The following SRPK1 variants were observed in gnomAD, a reference collection of about 807,000 sequenced individuals.
SRPK1 encodes the protein SFRS protein kinase 1.
In SRPK1, 52 loss-of-function variants were observed where a neutral mutation model predicts 89.5. That is an observed-to-expected ratio of 0.58 (90% CI 0.46 to 0.73). SRPK1 has a LOEUF of 0.73. Among genes scored for constraint, SRPK1 ranks in the 30% least tolerant of loss-of-function variants. The pLI, the probability that SRPK1 is intolerant of heterozygous loss-of-function variation, is 0.00. For missense variants in SRPK1, 603 were observed against 780.6 expected (o/e 0.77, Z 2.71); for synonymous variants, 255 against 270.2 (o/e 0.94, Z 0.55).
At chr6:35,873,794 A>G (rs1770095699) in intron 7 of SRPK1, among the ~76,000 whole-genome samples, 1 of 148,268 alleles carries the variant, frequency 6.7e-6, no homozygotes, top group Non-Finnish European at 1.5e-5. Flanking sequence ...CCAGCCAATA[A>G]CTTACTTTTT....
chr6:35,907,151 C>A (rs1770865056), intron 2 of SRPK1, among the ~76,000 whole-genome samples: 1 of 151,740 alleles, frequency 6.6e-6, no homozygotes, highest in South Asian at 2.1e-4. Flanking sequence ...AGGTAGTTTG[C>A]CAAAAACAAA....
chr6:35,891,011 G>A lies in SRPK1; in HGVS notation c.77C>T (p.Ser26Phe), dbSNP rs948030315. ...AGCAGAGCCTCGGTGCTGAGTTTCA[G>A]ATCTAAGAAATGATACAAAAATGCC... ...KAKKDKAQRK[S>F]ETQHRGSAPH... Residue 26 changes from serine (S) to phenylalanine (F), a missense_variant and splice_region_variant, in exon 3 of 16, where the codon TCT becomes TTT. Transcript: ENST00000373825. The A allele has an allele frequency of 7.6e-5, 118 of 1,549,520 alleles. No homozygotes were observed. Among genetic ancestry groups the A allele is most frequent in the Non-Finnish European group, 9.9e-5 (114 of 1,146,334 alleles).
intron 2 of SRPK1, among the ~76,000 whole-genome samples, chr6:35,909,989 CT>C (rs537840728): frequency 2.7e-4 from 39 of 146,756 alleles, no homozygotes; most frequent in East Asian, 4.0e-4. Context: ...TCATTTCTTT[CT>C]TTTTTTTTTT....
chr6:35,833,731 G>A lies in SRPK1; in HGVS notation c.*1573C>T, dbSNP rs1287639031. Reference sequence around the variant, plus strand: ...ACGGCACCACTTTTCCTTTGTCACTGTGGTGGATAAATGACAAAGTAGATT... The same window carrying A: ...ACGGCACCACTTTTCCTTTGTCACTATGGTGGATAAATGACAAAGTAGATT... On this transcript the variant is annotated 3_prime_UTR_variant, in exon 16 of 16. Coordinates refer to ENST00000373825, the MANE Select transcript of SRPK1 (RefSeq NM_003137.5). The A allele has an allele frequency of 6.6e-6, 1 of 152,664 alleles. No individual in the cohort carries two copies. The highest frequency in any genetic ancestry group is 1.5e-5 in the Non-Finnish European group (1 of 68,054). 9.5% of individuals were successfully genotyped at this position (152,664 alleles called of 1,614,324 possible). A position where few individuals can be genotyped will look rare whatever the true frequency, so the allele number is the denominator to read the frequency against.
Position 35,870,263 on chromosome 6 carries a change from G to A in SRPK1, c.991+18C>T, listed in dbSNP as rs766964317. 1.8e-5 allele frequency: 29 copies of A among 1,601,928 alleles called. No homozygotes were observed. The highest frequency in any genetic ancestry group is 6.7e-5 in the South Asian group (6 of 89,488). On this transcript the variant is annotated intron_variant, in intron 10 of 15. Transcript: ENST00000373825. ...TAAAGTGTGTTGTACAGTAATTTTC[G>A]TGATGTTCTATTTATACCAAGTTTT...
chr6:35,876,856 T>C (rs1347527400), intron 6 of SRPK1, among the ~76,000 whole-genome samples: 1 of 152,150 alleles, frequency 6.6e-6, no homozygotes, highest in Non-Finnish European at 1.5e-5. Context: ...CTTATTGCCT[T>C]GAGGCTTTCC....
At chr6:35,839,247 C>T (rs1378085407) in intron 14 of SRPK1, among the ~76,000 whole-genome samples, 4 of 152,206 alleles carry the variant, frequency 2.6e-5, no homozygotes, top group Non-Finnish European at 2.9e-5. Flanking sequence ...AACTCCTGGG[C>T]TCAAGCAATC....
rs536917033 is a variant in SRPK1, at chr6:35,909,581, A to AG, written c.74+10886dup. On this transcript the variant is annotated intron_variant, in intron 2 of 15. Transcript: ENST00000373825. ...GCAATGTGAGGACAAGAGATCTGGG[A>AG]GGGGCCAAGAGTGAAATAATACAGT... 1.7e-3 allele frequency among the ~76,000 whole-genome samples: 266 copies of AG among 152,304 alleles called. 1 individual carries two copies. Among genetic ancestry groups the AG allele is most frequent in the African/African-American group, 6.1e-3 (255 of 41,564 alleles).
chr6:35,873,813 GAA>G (rs1770096123), intron 7 of SRPK1, among the ~76,000 whole-genome samples: 1 of 135,370 alleles, frequency 7.4e-6, no homozygotes, highest in African/African-American at 2.8e-5. Flanking sequence ...TTAAAACAAA[GAA>G]TTTTAAAACA....
intron 13 of SRPK1, among the ~76,000 whole-genome samples, chr6:35,856,615 G>A (rs1303606876): frequency 6.6e-6 from 1 of 152,088 alleles, no homozygotes; most frequent in Non-Finnish European, 1.5e-5. Flanking sequence ...CATGATTCCT[G>A]ACAATATGGG....
Position 35,833,840 on chromosome 6 carries a change from T to C in SRPK1, c.*1464A>G, listed in dbSNP as rs1419416851. 6.6e-6 allele frequency: 1 copy of C among 152,282 alleles called. No individual in the cohort carries two copies. Among genetic ancestry groups the C allele is most frequent in the Non-Finnish European group, 1.5e-5 (1 of 68,030 alleles). The allele number at this position is 152,282 out of a possible 1,614,324, so 9.4% of individuals were successfully genotyped here. A position where few individuals can be genotyped will look rare whatever the true frequency, so the allele number is the denominator to read the frequency against. On this transcript the variant is annotated 3_prime_UTR_variant, in exon 16 of 16. Coordinates refer to ENST00000373825, the MANE Select transcript of SRPK1 (RefSeq NM_003137.5). ...AGCCTCAAGTTGCACCTCTGTGGCT[T>C]TCTGTAAATTCGAGTCCTACAGCCA...
chr6:35,878,566 A>G (rs1770207633), intron 6 of SRPK1, among the ~76,000 whole-genome samples: 1 of 152,178 alleles, frequency 6.6e-6, no homozygotes, highest in Non-Finnish European at 1.5e-5. Context: ...GCAACCACCT[A>G]TCCCCTAATC....
At chr6:35,862,757 A>G (rs1769805331) in intron 12 of SRPK1, among the ~76,000 whole-genome samples, 1 of 152,210 alleles carries the variant, frequency 6.6e-6, no homozygotes, top group South Asian at 2.1e-4. Context: ...TCTGACAATC[A>G]ATACTAGGAA....
chr6:35,833,508 G>T lies in SRPK1; in HGVS notation c.*1796C>A, dbSNP rs552085915. On this transcript the variant is annotated 3_prime_UTR_variant, in exon 16 of 16. Coordinates refer to ENST00000373825, the MANE Select transcript of SRPK1 (RefSeq NM_003137.5). ...TAAAAACAGCTGAAAACCCAAAGTG[G>T]ATTAGAATTGCTGAAGGATTTCCCT... 22 of 152,696 alleles carry T rather than the reference G, an allele frequency of 1.4e-4. No homozygotes were observed. Among genetic ancestry groups the T allele is most frequent in the Admixed American group, 1.3e-3 (20 of 15,282 alleles). The allele number at this position is 152,696 out of a possible 1,614,324, so 9.5% of individuals were successfully genotyped here. A position where few individuals can be genotyped will look rare whatever the true frequency, so the allele number is the denominator to read the frequency against.
At chr6:35,914,722 C>T (rs370427253) in intron 2 of SRPK1, among the ~76,000 whole-genome samples, 1 of 151,976 alleles carries the variant, frequency 6.6e-6, no homozygotes, top group Non-Finnish European at 1.5e-5. Flanking sequence ...TGCTGAATCC[C>T]GAATATGGAA....
At chr6:35,891,232 A>C (rs1351210753) in intron 2 of SRPK1, among the ~76,000 whole-genome samples, 1 of 152,240 alleles carries the variant, frequency 6.6e-6, no homozygotes, top group Non-Finnish European at 1.5e-5. Flanking sequence ...AAAATATTAA[A>C]AAGTACAAAG....
At chr6:35,907,948 T>C (rs1770885829) in intron 2 of SRPK1, among the ~76,000 whole-genome samples, 2 of 152,066 alleles carry the variant, frequency 1.3e-5, no homozygotes, top group Non-Finnish European at 2.9e-5. Context: ...AGTGTGGCAC[T>C]TCCTCGTTCT....
intron 2 of SRPK1, chr6:35,905,124 G>A (rs1190493465): frequency 5.2e-6 from 1 of 193,434 alleles, no homozygotes; most frequent in Non-Finnish European, 1.1e-5. Flanking sequence ...TCCAGCCTAG[G>A]TGACTGAGAC....
chr6:35,897,187 A>G (rs1770643251), intron 2 of SRPK1, among the ~76,000 whole-genome samples: 1 of 152,196 alleles, frequency 6.6e-6, no homozygotes. Context: ...TGTACACTAG[A>G]TGGGTGAATT....
Sources: gnomAD v4.1 joint callset for allele counts (sites outside exome capture counted in the v4.1 genomes callset) on GRCh38, gnomAD v4.1.1 for gene constraint, MANE v1.5 for transcripts, NCBI Gene and HGNC (gene_info 2026-07-23, HGNC 2026-07-21) for gene names.